The following COL21A1 variants were observed in gnomAD, a reference collection of about 807,000 sequenced individuals.
COL21A1 encodes collagen type XXI alpha 1 chain, also known as collagen alpha-1(XXI) chain.
In COL21A1, 149 loss-of-function variants were observed where a neutral mutation model predicts 137.9. The ratio of observed to expected loss-of-function variants is 1.08; its 90% CI spans 0.95 to 1.24. COL21A1 has a LOEUF of 1.24. Among genes scored for constraint, COL21A1 ranks in the 50% most tolerant of loss-of-function variants. COL21A1 has a pLI of 0.00. For missense variants in COL21A1, 1,167 were observed against 1,158.4 expected (o/e 1.01, Z -0.11); for synonymous variants, 456 against 391.5 (o/e 1.16, Z -1.95).
chr6:56,299,725 A>G (rs1764238338), intron 1 of COL21A1, among the ~76,000 whole-genome samples: 1 of 151,994 alleles, frequency 6.6e-6, no homozygotes, highest in South Asian at 2.1e-4. Context: ...TCCCCTAATT[A>G]TTATTCTGAG....
chr6:56,135,189 A>G (rs1582451107), intron 12 of COL21A1, among the ~76,000 whole-genome samples: 2 of 152,130 alleles, frequency 1.3e-5, no homozygotes, highest in South Asian at 2.1e-4. Context: ...TCCAAAAACC[A>G]AGTAAAAACA....
At chr6:56,152,675 A>ATT (rs35521529) in intron 10 of COL21A1, among the ~76,000 whole-genome samples, 3 of 149,508 alleles carry the variant, frequency 2.0e-5, no homozygotes, top group Admixed American at 6.7e-5. Context: ...GCATGGGAAG[A>ATT]TTTTTTTTTT....
intron 1 of COL21A1, among the ~76,000 whole-genome samples, chr6:56,203,022 A>G (rs971967304): frequency 3.5e-4 from 54 of 152,258 alleles, no homozygotes; most frequent in African/African-American, 1.2e-3. Flanking sequence ...CTTACATTAC[A>G]TTAATTAGCC....
At chr6:56,106,253 C>A (rs1239173545) in intron 16 of COL21A1, among the ~76,000 whole-genome samples, 1 of 152,208 alleles carries the variant, frequency 6.6e-6, no homozygotes, top group Non-Finnish European at 1.5e-5. Context: ...AACACACTTA[C>A]CTGCATTTGC....
At chr6:56,161,007 G>A (rs567517781) in intron 9 of COL21A1, among the ~76,000 whole-genome samples, 1 of 152,042 alleles carries the variant, frequency 6.6e-6, no homozygotes, top group Non-Finnish European at 1.5e-5. Flanking sequence ...CAGAACCCAA[G>A]TACCACTCCC....
chr6:56,311,428 G>A (rs12665507), intron 1 of COL21A1, among the ~76,000 whole-genome samples: 12,262 of 152,222 alleles, frequency 0.081, 551 homozygotes, highest in Middle Eastern at 0.14. Context: ...CAGTGAAAAG[G>A]AGGAAGAACA....
rs1008599577 is a variant in COL21A1, at chr6:56,187,693, G to T, written c.-38-5037C>A. ...ACATAAGAAAATTAAATGGAACATAGATCTAGATGTAAAAACTAAAACTAT... is the reference window on the plus strand; with the variant it reads ...ACATAAGAAAATTAAATGGAACATATATCTAGATGTAAAAACTAAAACTAT... On this transcript the variant is annotated intron_variant, in intron 1 of 29. Coordinates refer to ENST00000244728, the MANE Select transcript of COL21A1 (RefSeq NM_030820.4). 2.0e-5 allele frequency among the ~76,000 whole-genome samples: 3 copies of T among 152,024 alleles called. No individual in the cohort carries two copies. The East Asian group carries it at 5.8e-4, about 30-fold the overall frequency.
At chr6:56,117,468 A>G (rs1276403216) in intron 16 of COL21A1, among the ~76,000 whole-genome samples, 2 of 152,000 alleles carry the variant, frequency 1.3e-5, no homozygotes, top group African/African-American at 4.8e-5. Flanking sequence ...AGAGTGATAG[A>G]CCCCAATACA....
At chr6:56,158,514 C>T (rs1775959614) in intron 9 of COL21A1, among the ~76,000 whole-genome samples, 1 of 151,852 alleles carries the variant, frequency 6.6e-6, no homozygotes, top group African/African-American at 2.4e-5. Context: ...TCAAGTGATC[C>T]TCCCTCCTCA....
chr6:56,187,384 G>T (rs1214070608), intron 1 of COL21A1, among the ~76,000 whole-genome samples: 1 of 152,196 alleles, frequency 6.6e-6, no homozygotes, highest in African/African-American at 2.4e-5. Context: ...TTACACTGGA[G>T]ATTAAGTTTC....
intron 1 of COL21A1, among the ~76,000 whole-genome samples, chr6:56,260,619 G>A (rs1318937911): frequency 0.058 from 4,888 of 84,200 alleles, 235 homozygotes; most frequent in Middle Eastern, 0.12. Context: ...GAAAGAAAGA[G>A]AGAGAGAGGA....
chr6:56,309,173 C>T (rs1764543356), intron 1 of COL21A1, among the ~76,000 whole-genome samples: 2 of 152,032 alleles, frequency 1.3e-5, no homozygotes, highest in Non-Finnish European at 2.9e-5. Context: ...TCCTGAGTAG[C>T]TGGGACTACA....
At chr6:56,200,545 C>T (rs374393276) in intron 1 of COL21A1, among the ~76,000 whole-genome samples, 1 of 146,962 alleles carries the variant, frequency 6.8e-6, no homozygotes, top group Non-Finnish European at 1.5e-5. Flanking sequence ...TGAGTGAGAA[C>T]ATGCAGTGTT....
chr6:56,365,462 C>T (rs1766075239), intron 1 of COL21A1, among the ~76,000 whole-genome samples: 2 of 152,076 alleles, frequency 1.3e-5, no homozygotes, highest in Admixed American at 1.3e-4. Flanking sequence ...TGGTATAATC[C>T]TACCCTTACC....
chr6:56,102,356 C>G (rs1007594763), intron 16 of COL21A1, among the ~76,000 whole-genome samples: 1 of 152,138 alleles, frequency 6.6e-6, no homozygotes, highest in African/African-American at 2.4e-5. Context: ...TTTTTGAAAT[C>G]TAACAGTCAT....
chr6:56,164,591 T>C, intron 8 of COL21A1, 85 bp from the exon 9 acceptor site: 5 of 1,070,528 alleles, frequency 4.7e-6, no homozygotes, highest in Non-Finnish European at 6.8e-6. Context: ...TTTATATATT[T>C]GTGTAAAATG....
chr6:56,189,487 A>G (rs1216068910), intron 1 of COL21A1, among the ~76,000 whole-genome samples: 1 of 152,140 alleles, frequency 6.6e-6, no homozygotes, highest in African/African-American at 2.4e-5. Flanking sequence ...CCAAATCTAT[A>G]TTTGATTGAT....
chr6:56,104,442 T>C (rs1006450844), intron 16 of COL21A1, among the ~76,000 whole-genome samples: 8 of 152,146 alleles, frequency 5.3e-5, no homozygotes, highest in African/African-American at 1.9e-4. Context: ...CATCAAGAAA[T>C]GAAAGGATAA....
intron 1 of COL21A1, among the ~76,000 whole-genome samples, chr6:56,355,265 T>C (rs1765804833): frequency 6.6e-6 from 1 of 152,208 alleles, no homozygotes; most frequent in Non-Finnish European, 1.5e-5. Flanking sequence ...ATCATACTTC[T>C]AAATGTAACT....
Sources: gnomAD v4.1 joint callset for allele counts (sites outside exome capture counted in the v4.1 genomes callset) on GRCh38, gnomAD v4.1.1 for gene constraint, MANE v1.5 for transcripts, NCBI Gene and HGNC (gene_info 2026-07-23, HGNC 2026-07-21) for gene names.